Variants in DNAH6 observed in about 807,000 individuals in gnomAD.
The protein encoded by DNAH6 is axonemal beta dynein heavy chain 6.
Under a neutral mutation model 491.4 loss-of-function variants are expected in DNAH6, and 340 were observed. The ratio of observed to expected loss-of-function variants is 0.69; its 90% CI spans 0.63 to 0.76. The LOEUF (loss-of-function observed/expected upper bound fraction) is 0.76, where lower values mean the gene tolerates loss of function less well. Among genes scored for constraint, DNAH6 ranks in the 30% least tolerant of loss-of-function variants. The pLI, the probability that DNAH6 is intolerant of heterozygous loss-of-function variation, is 0.00. For synonymous variants in DNAH6, 1,603 were observed against 1,686.1 expected (o/e 0.95, Z 1.21); for missense variants, 4,443 against 4,972.2 (o/e 0.89, Z 3.20).
intron 73 of DNAH6, 21 bp from the exon 74 acceptor site, chr2:84,813,037 A>G (rs777676039): frequency 2.5e-5 from 39 of 1,537,612 alleles, no homozygotes; most frequent in East Asian, 2.2e-4. Context: ...AACGTTTATT[A>G]TGAATATGTT....
At chr2:84,799,981 T>C (rs1678735420) in intron 70 of DNAH6, among the ~76,000 whole-genome samples, 1 of 152,198 alleles carries the variant, frequency 6.6e-6, no homozygotes, top group Non-Finnish European at 1.5e-5. Flanking sequence ...AGCATGCTTC[T>C]CTGTTGCCTC....
At chr2:84,793,007 G>A (rs1186234834) in intron 68 of DNAH6, among the ~76,000 whole-genome samples, 3 of 152,174 alleles carry the variant, frequency 2.0e-5, no homozygotes, top group South Asian at 4.1e-4. Flanking sequence ...TGAGCTCAAA[G>A]TTGGCAAAGA....
intron 18 of DNAH6, among the ~76,000 whole-genome samples, chr2:84,599,729 A>G (rs1274099989): frequency 6.6e-6 from 1 of 152,122 alleles, no homozygotes; most frequent in Non-Finnish European, 1.5e-5. Context: ...CTATAAGCCT[A>G]TTCTTTCATC....
rs923299617 is a variant in DNAH6, at chr2:84,627,729, T to C, written c.4515+2666T>C. On this transcript the variant is annotated intron_variant, in intron 29 of 76. Coordinates refer to ENST00000389394, the MANE Select transcript of DNAH6 (RefSeq NM_001370.2). ...GTCAGCCTAGTGAGACCTCATTTTATTGCTTCTTTGCTTATCATTATGTCT... is the reference window on the plus strand; with the variant it reads ...GTCAGCCTAGTGAGACCTCATTTTACTGCTTCTTTGCTTATCATTATGTCT... Among the ~76,000 whole-genome samples, 4 of 152,202 alleles carry C rather than the reference T, an allele frequency of 2.6e-5. No individual in the cohort carries two copies. In the South Asian group the frequency reaches 8.3e-4, roughly 31 times the overall value.
At chr2:84,702,822 C>T (rs1288453825) in intron 49 of DNAH6, among the ~76,000 whole-genome samples, 1 of 152,088 alleles carries the variant, frequency 6.6e-6, no homozygotes, top group African/African-American at 2.4e-5. Context: ...AGATGTGAGC[C>T]CCTGCCCCAG....
At chr2:84,796,548 A>G (rs1456281135) in intron 69 of DNAH6, 123 bp downstream of exon 69, 2 of 744,390 alleles carry the variant, frequency 2.7e-6, no homozygotes, top group Non-Finnish European at 4.0e-6. Context: ...GCCACACCCT[A>G]TCCCCATGCT....
chr2:84,745,055 T>C, intron 62 of DNAH6, 25 bp from the exon 63 acceptor site: 1 of 1,387,944 alleles, frequency 7.2e-7, no homozygotes. Flanking sequence ...CTAATTAAAT[T>C]ATCTTTTTTA....
At chr2:84,478,051 G>A in the DNAH6 span, among the ~76,000 whole-genome samples, 56 of 152,326 alleles carry the variant, frequency 3.7e-4, no homozygotes, top group African/African-American at 1.3e-3. Context: ...TTCCGGGGCT[G>A]ATGAGCCAGC....
At chr2:84,500,791 T>A in the DNAH6 span, among the ~76,000 whole-genome samples, 71 of 152,334 alleles carry the variant, frequency 4.7e-4, 1 homozygote, top group South Asian at 0.014. Context: ...GTGGCTATTA[T>A]AAATGAGATT....
chr2:84,552,956 T>C lies in DNAH6; in HGVS notation c.1524T>C (p.Ser508=). ...LMVEKQEEDE[S]LIPMFLTELM... ...TGGAAAAGCAAGAAGAAGATGAATCTCTCATCCCCATGTTTCTCACAGAAC... is the reference window on the plus strand; with the variant it reads ...TGGAAAAGCAAGAAGAAGATGAATCCCTCATCCCCATGTTTCTCACAGAAC... Residue 508 remains serine, a synonymous_variant, in exon 10 of 77, where the codon TCT becomes TCC. Transcript: ENST00000389394. 2 of 1,612,210 alleles carry C rather than the reference T, an allele frequency of 1.2e-6. No individual in the cohort carries two copies. The highest frequency in any genetic ancestry group is 8.5e-7 in the Non-Finnish European group (1 of 1,179,174).
chr2:84,736,478 G>T (rs1252564936), intron 62 of DNAH6, among the ~76,000 whole-genome samples: 3 of 152,064 alleles, frequency 2.0e-5, no homozygotes, highest in Non-Finnish European at 4.4e-5. Context: ...ACCCATAAGT[G>T]TGGGATGTTT....
In DNAH6 at chr2:84,577,307, G is replaced by T; in HGVS notation, c.1975G>T (p.Asp659Tyr). The T allele has an allele frequency of 6.2e-7, 1 of 1,605,436 alleles. No homozygotes were observed. The highest frequency in any genetic ancestry group is 8.5e-7 in the Non-Finnish European group (1 of 1,176,756). The change falls in exon 13 of 77, where the codon GAC (aspartate) becomes TAC (tyrosine). Residue 659 changes from aspartate (D) to tyrosine (Y), a missense_variant. Physicochemically the swap from Asp to Tyr is radical, Grantham distance 160. Coordinates refer to ENST00000389394, the MANE Select transcript of DNAH6 (RefSeq NM_001370.2). ...QLEKYHKQHKDAVALRPTRNV... is the reference protein window; with the variant it reads ...QLEKYHKQHKYAVALRPTRNV... ...GGAAAAATATCACAAACAGCACAAG[G>T]ACGCAGTAGCGCTCAGACCCACCAG...
At chr2:84,549,700 T>C (rs1679133391) in intron 8 of DNAH6, among the ~76,000 whole-genome samples, 189 bp from the exon 9 acceptor site, 1 of 152,226 alleles carries the variant, frequency 6.6e-6, no homozygotes, top group African/African-American at 2.4e-5. Flanking sequence ...TATATTTGTG[T>C]TTTAAAAGGA....
rs1025606727 is a variant in DNAH6 at position 84,598,659 on chromosome 2, G to A, written c.2868+2870G>A. ...TTCCAGTTTCTCCTCATCATCACTA[G>A]CCCTTGTTATTTTGAGGGACCTTTT... On this transcript the variant is annotated intron_variant, in intron 18 of 76. Coordinates refer to ENST00000389394, the MANE Select transcript of DNAH6 (RefSeq NM_001370.2). 2.0e-5 allele frequency among the ~76,000 whole-genome samples: 3 copies of A among 152,160 alleles called. 1 individual carries two copies. Among genetic ancestry groups the A allele is most frequent in the Admixed American group, 2.0e-4 (3 of 15,282 alleles).
chr2:84,599,121 A>G (rs1180282183), intron 18 of DNAH6, among the ~76,000 whole-genome samples: 1 of 150,972 alleles, frequency 6.6e-6, no homozygotes, highest in African/African-American at 2.4e-5. Context: ...CCATCCATCT[A>G]TATTCTTTGA....
intron 40 of DNAH6, among the ~76,000 whole-genome samples, chr2:84,675,278 T>C (rs1484708373): frequency 6.6e-6 from 1 of 152,168 alleles, no homozygotes; most frequent in Non-Finnish European, 1.5e-5. Flanking sequence ...CCCTCATTTT[T>C]ATGGCCCCTG....
intron 18 of DNAH6, among the ~76,000 whole-genome samples, chr2:84,601,758 T>C (rs1044094832): frequency 1.3e-5 from 2 of 152,006 alleles, no homozygotes; most frequent in African/African-American, 2.4e-5. Flanking sequence ...CTAGCTGTTT[T>C]ATTTATTCTA....
At chr2:84,523,591 G>A (rs1676340776) in intron 2 of DNAH6, among the ~76,000 whole-genome samples, 1 of 152,114 alleles carries the variant, frequency 6.6e-6, no homozygotes, top group South Asian at 2.1e-4. Context: ...TGGGCATTTA[G>A]TGCTATAAAT....
At chr2:84,675,422 T>C (rs1340451010) in intron 40 of DNAH6, among the ~76,000 whole-genome samples, 1 of 152,084 alleles carries the variant, frequency 6.6e-6, no homozygotes, top group Non-Finnish European at 1.5e-5. Context: ...GTCTTCAGAT[T>C]CTTCTTCCTA....
Sources: allele counts gnomAD v4.1 joint callset (sites outside exome capture counted in the v4.1 genomes callset), GRCh38; gene constraint gnomAD v4.1.1; transcripts MANE v1.5; gene names NCBI Gene and HGNC (gene_info 2026-07-23, HGNC 2026-07-21).